Variants in PHACTR3 observed in about 807,000 individuals in gnomAD.
PHACTR3 encodes the protein protein phosphatase 1, regulatory subunit 123.
PHACTR3 carries 16 observed loss-of-function variants against 66.8 expected under a neutral mutation model. The ratio of observed to expected loss-of-function variants is 0.24; its 90% CI spans 0.16 to 0.36. PHACTR3 has a LOEUF of 0.36. Among genes scored for constraint, PHACTR3 ranks in the 10% least tolerant of loss-of-function variants. PHACTR3 has a pLI of 1.00. For synonymous variants in PHACTR3, 323 were observed against 292.1 expected (o/e 1.11, Z -1.08); for missense variants, 647 against 719.9 (o/e 0.90, Z 1.16).
At chr20:59,674,834 TCTGCCTTCTC>T (rs1168817211) in intron 1 of PHACTR3, among the ~76,000 whole-genome samples, 3 of 44,980 alleles carry the variant, frequency 6.7e-5, no homozygotes, top group Non-Finnish European at 1.1e-4. Flanking sequence ...TTCTCCTGTT[TCTGCCTTCTC>T]CTGCCTTCTC....
intron 4 of PHACTR3, among the ~76,000 whole-genome samples, chr20:59,762,482 G>A (rs772396494): frequency 1.3e-5 from 2 of 152,236 alleles, no homozygotes; most frequent in Non-Finnish European, 1.5e-5. Flanking sequence ...CAGTGGTCAT[G>A]AGGGTCTAGT....
chr20:59,748,951 C>A (rs563560945), intron 3 of PHACTR3, among the ~76,000 whole-genome samples: 2 of 152,248 alleles, frequency 1.3e-5, no homozygotes, highest in Non-Finnish European at 2.9e-5. Flanking sequence ...TGGGCCCAGG[C>A]TTTTGTCATT....
At chr20:59,624,282 G>T (rs749975154) in intron 1 of PHACTR3, among the ~76,000 whole-genome samples, 1 of 152,086 alleles carries the variant, frequency 6.6e-6, no homozygotes, top group Non-Finnish European at 1.5e-5. Context: ...TCCACTGGTG[G>T]ACTGCTCCAC....
intron 1 of PHACTR3, among the ~76,000 whole-genome samples, chr20:59,729,702 A>G (rs2146713796): frequency 6.6e-6 from 1 of 152,274 alleles, no homozygotes; most frequent in South Asian, 2.1e-4. Flanking sequence ...CCCGCACTGC[A>G]TGACTTGCTG....
intron 12 of PHACTR3, among the ~76,000 whole-genome samples, chr20:59,845,595 G>C (rs2059133863): frequency 6.6e-6 from 1 of 152,040 alleles, no homozygotes; most frequent in Non-Finnish European, 1.5e-5. Context: ...CCAATTTATA[G>C]AACTCACCTG....
chr20:59,777,734 G>A (rs2040586208), intron 7 of PHACTR3, among the ~76,000 whole-genome samples: 1 of 152,178 alleles, frequency 6.6e-6, no homozygotes, highest in Non-Finnish European at 1.5e-5. Flanking sequence ...GGATCATGCT[G>A]GTATCTGTCT....
At chr20:59,748,298 A>C (rs6027079) in intron 3 of PHACTR3, among the ~76,000 whole-genome samples, 1 of 151,872 alleles carries the variant, frequency 6.6e-6, no homozygotes, top group African/African-American at 2.4e-5. Flanking sequence ...GATATTGTGC[A>C]CGCCCTGTCT....
chr20:59,664,390 C>T lies in PHACTR3; in HGVS notation c.118+59258C>T, dbSNP rs551647880. Reference sequence around the variant, plus strand: ...AACCTTGGGCAGCCTACTCTGGTTACAGTCCTGCCTGCCACCGCCTCCTTG... The same window carrying T: ...AACCTTGGGCAGCCTACTCTGGTTATAGTCCTGCCTGCCACCGCCTCCTTG... On this transcript the variant is annotated intron_variant, in intron 1 of 12. Coordinates refer to ENST00000371015, the MANE Select transcript of PHACTR3 (RefSeq NM_080672.5). 1.4e-3 allele frequency among the ~76,000 whole-genome samples: 220 copies of T among 152,286 alleles called. 2 individuals carry two copies. The highest frequency in any genetic ancestry group is 5.0e-3 in the African/African-American group (206 of 41,566).
intron 1 of PHACTR3, among the ~76,000 whole-genome samples, chr20:59,723,272 A>G (rs2038417693): frequency 6.6e-6 from 1 of 151,958 alleles, no homozygotes; most frequent in Admixed American, 6.6e-5. Flanking sequence ...CCCCATGTCC[A>G]TTAAGTGCTC....
chr20:59,762,340 G>A (rs2040020632), intron 4 of PHACTR3, among the ~76,000 whole-genome samples: 3 of 152,378 alleles, frequency 2.0e-5, no homozygotes, highest in South Asian at 4.1e-4. Context: ...TAAGGCAGTG[G>A]CACTATGACC....
At chr20:59,802,070 C>G (rs2041429129) in intron 7 of PHACTR3, among the ~76,000 whole-genome samples, 2 of 152,154 alleles carry the variant, frequency 1.3e-5, no homozygotes, top group South Asian at 4.1e-4. Context: ...TGCTTCTTAA[C>G]CACTCTGTGC....
upstream of PHACTR3, among the ~76,000 whole-genome samples, chr20:59,604,360 G>A (rs2033580711): frequency 1.3e-5 from 2 of 152,142 alleles, no homozygotes; most frequent in Admixed American, 1.3e-4. Context: ...TGGGGTGGGC[G>A]GCTCCTAACC....
intron 7 of PHACTR3, among the ~76,000 whole-genome samples, chr20:59,787,147 T>C (rs2040943060): frequency 6.6e-6 from 1 of 152,238 alleles, no homozygotes; most frequent in African/African-American, 2.4e-5. Flanking sequence ...CACGTTTTTG[T>C]AGGAAGATTG....
chr20:59,605,314 T>C (rs2146332566), intron 1 of PHACTR3, among the ~76,000 whole-genome samples, 182 bp downstream of exon 1: 1 of 152,298 alleles, frequency 6.6e-6, no homozygotes, highest in African/African-American at 2.4e-5. Flanking sequence ...GAGCCCTTTG[T>C]CCATAAAAGA....
At chr20:59,703,692 T>G (rs1307047752) in intron 1 of PHACTR3, among the ~76,000 whole-genome samples, 11 of 147,520 alleles carry the variant, frequency 7.5e-5, no homozygotes, top group Admixed American at 1.3e-4. Context: ...TTCCTTGGGG[T>G]GTGTGTGTGT....
At chr20:59,757,814 G>T (rs2039857500) in intron 4 of PHACTR3, among the ~76,000 whole-genome samples, 1 of 152,060 alleles carries the variant, frequency 6.6e-6, no homozygotes. Flanking sequence ...TTTGTTTTTG[G>T]TTTTAATTAG....
In PHACTR3 at chr20:59,637,290, A is replaced by G. The variant is rs529499288; in HGVS notation, c.118+32158A>G. On this transcript the variant is annotated intron_variant, in intron 1 of 12. Coordinates refer to ENST00000371015, the MANE Select transcript of PHACTR3 (RefSeq NM_080672.5). The stretch of plus-strand genomic sequence containing the variant: ...TCTCCTGACCAGCTCTGCTAGAGCG[A>G]TGTCTCTGGCAGATGCCTTTTCCCT... 7.2e-5 allele frequency among the ~76,000 whole-genome samples: 11 copies of G among 152,316 alleles called. No individual in the cohort carries two copies. In the East Asian group the frequency reaches 1.7e-3, roughly 24 times the overall value.
intron 1 of PHACTR3, among the ~76,000 whole-genome samples, chr20:59,741,315 G>A (rs1188866829): frequency 2.6e-5 from 4 of 152,240 alleles, no homozygotes; most frequent in Non-Finnish European, 4.4e-5. Context: ...ATGTTCGCAG[G>A]GCGAGGGGTC....
At chr20:59,602,617 C>A (rs1887720675), upstream of PHACTR3, among the ~76,000 whole-genome samples, 1 of 152,030 alleles carries the variant, frequency 6.6e-6, no homozygotes, top group Non-Finnish European at 1.5e-5. Context: ...GATCTTTCTC[C>A]TCCCCCCCAC....
Sources: gnomAD v4.1 joint callset for allele counts (sites outside exome capture counted in the v4.1 genomes callset) on GRCh38, gnomAD v4.1.1 for gene constraint, MANE v1.5 for transcripts, NCBI Gene and HGNC (gene_info 2026-07-23, HGNC 2026-07-21) for gene names.